The following VIPR2 variants were observed in gnomAD, a reference collection of about 807,000 sequenced individuals.
The protein encoded by VIPR2 is vasoactive intestinal polypeptide receptor 2.
In VIPR2, 48 loss-of-function variants were observed where a neutral mutation model predicts 58.0. The ratio of observed to expected loss-of-function variants is 0.83; its 90% CI spans 0.66 to 1.05. The LOEUF is 1.05. Ranked by LOEUF, VIPR2 falls within the 50% of genes least tolerant of loss-of-function variation. The pLI, the probability that VIPR2 is intolerant of heterozygous loss-of-function variation, is 0.00. For missense variants in VIPR2, 534 were observed against 558.0 expected (o/e 0.96, Z 0.43); for synonymous variants, 243 against 235.2 (o/e 1.03, Z -0.30).
intron 4 of VIPR2, chr7:159,059,201 A>G: frequency 2.1e-6 from 1 of 470,488 alleles, no homozygotes; most frequent in Middle Eastern, 3.3e-4. Context: ...AGGGAGTTCT[A>G]TGACAACAGG....
chr7:159,130,965 C>T (rs531075967), intron 2 of VIPR2, among the ~76,000 whole-genome samples: 10 of 152,206 alleles, frequency 6.6e-5, no homozygotes, highest in Non-Finnish European at 1.2e-4. Flanking sequence ...GACATCTGAG[C>T]GTGCTCTGGA....
At chr7:159,101,728 G>A (rs1858262041) in intron 4 of VIPR2, among the ~76,000 whole-genome samples, 1 of 145,678 alleles carries the variant, frequency 6.9e-6, no homozygotes, top group Admixed American at 6.8e-5. Flanking sequence ...CTGTGGTAGT[G>A]AATGAGTCTC....
chr7:159,126,573 T>C (rs1041793139), intron 2 of VIPR2, among the ~76,000 whole-genome samples: 9 of 152,164 alleles, frequency 5.9e-5, no homozygotes, highest in African/African-American at 2.2e-4. Context: ...GAAATGAGAA[T>C]GTGCTCTTCT....
intron 7 of VIPR2, 136 bp from the exon 8 acceptor site, chr7:159,036,148 T>G: frequency 5.5e-6 from 6 of 1,093,860 alleles, no homozygotes; most frequent in Non-Finnish European, 7.5e-6. Flanking sequence ...TTAAAGTCTT[T>G]GTAAATATTT....
chr7:159,050,004 G>C (rs1854891200), intron 5 of VIPR2, among the ~76,000 whole-genome samples: 1 of 152,190 alleles, frequency 6.6e-6, no homozygotes, highest in African/African-American at 2.4e-5. Context: ...TACTAGGTAT[G>C]CCAGAAACAG....
At chr7:159,086,395 T>TA (rs1354265950) in intron 4 of VIPR2, among the ~76,000 whole-genome samples, 1 of 152,198 alleles carries the variant, frequency 6.6e-6, no homozygotes, top group Non-Finnish European at 1.5e-5. Context: ...CGGGGGACTG[T>TA]AACATCCCGG....
At chr7:159,100,293 T>A (rs928384133) in intron 4 of VIPR2, among the ~76,000 whole-genome samples, 6 of 152,206 alleles carry the variant, frequency 3.9e-5, no homozygotes, top group African/African-American at 1.4e-4. Context: ...TGCAGTGAGT[T>A]GTTTTCAAGC....
intron 2 of VIPR2, among the ~76,000 whole-genome samples, chr7:159,126,745 C>T (rs949610354): frequency 6.6e-6 from 1 of 152,216 alleles, no homozygotes; most frequent in Non-Finnish European, 1.5e-5. Flanking sequence ...AGACACCGTC[C>T]AACCATCAGG....
chr7:159,052,200 A>C (rs1352405339), intron 5 of VIPR2, among the ~76,000 whole-genome samples: 1 of 152,200 alleles, frequency 6.6e-6, no homozygotes, highest in Non-Finnish European at 1.5e-5. Flanking sequence ...AAGACTCATC[A>C]AGATAAAAAG....
chr7:159,058,726 C>A (rs758599586), intron 4 of VIPR2, 148 bp from the exon 5 acceptor site: 3 of 620,874 alleles, frequency 4.8e-6, no homozygotes, highest in Non-Finnish European at 8.3e-6. Flanking sequence ...TATAATTCCA[C>A]CTCCATTTTG....
In VIPR2 at chr7:159,128,508, C is replaced by T. The variant is rs576886268; in HGVS notation, c.151+13938G>A. 2.3e-4 allele frequency among the ~76,000 whole-genome samples: 35 copies of T among 152,270 alleles called. No homozygotes were observed. The highest frequency in any genetic ancestry group is 7.7e-4 in the African/African-American group (32 of 41,558). The stretch of plus-strand genomic sequence containing the variant: ...CACCTGTGTGCTGGGACCCCTTCAC[C>T]CTCCCTCCAGCAGCTTTGGCAGTCC... On this transcript the variant is annotated intron_variant, in intron 2 of 12. Coordinates refer to ENST00000262178, the MANE Select transcript of VIPR2 (RefSeq NM_003382.5). The surrounding 1 kb of genome is among the most constrained non-coding windows in gnomAD (Gnocchi z 4.1).
In VIPR2 at chr7:159,058,586, G is replaced by A. The variant is rs1855459659; in HGVS notation, c.358-8C>T. 1 of 1,588,762 alleles carries A rather than the reference G, an allele frequency of 6.3e-7. No individual in the cohort carries two copies. On this transcript the variant is annotated splice_region_variant and splice_polypyrimidine_tract_variant and intron_variant, in intron 4 of 12. Coordinates refer to ENST00000262178, the MANE Select transcript of VIPR2 (RefSeq NM_003382.5). ...CAGAATATAAAACGTGATCTACAAA[G>A]AAAGAAAACAGATCTGTAAGCTGAG... is the stretch of plus-strand genomic sequence containing the variant.
rs1012514493 is a variant in VIPR2 at position 159,062,585 on chromosome 7, C to T, written c.358-4007G>A. On this transcript the variant is annotated intron_variant, in intron 4 of 12. Coordinates refer to ENST00000262178, the MANE Select transcript of VIPR2 (RefSeq NM_003382.5). Reference sequence around the variant, plus strand: ...ATTCCTCCCGGTGGGTTTGTGGTCTCGCTGGTCTTAGGAGTGAAGCCGCAG... The same window carrying T: ...ATTCCTCCCGGTGGGTTTGTGGTCTTGCTGGTCTTAGGAGTGAAGCCGCAG... 3.9e-5 allele frequency among the ~76,000 whole-genome samples: 6 copies of T among 152,174 alleles called. No homozygotes were observed. In the South Asian group the frequency reaches 8.3e-4, roughly 21 times the overall value.
Position 159,064,309 on chromosome 7 carries a change from G to A in VIPR2, c.358-5731C>T, listed in dbSNP as rs1018594900. On this transcript the variant is annotated intron_variant, in intron 4 of 12. Transcript: ENST00000262178. The stretch of plus-strand genomic sequence containing the variant: ...TGAGGCGACCCTGCACCTGGGCCCC[G>A]TGGGCTCGAGCGGGTCCACAGAGGA... Among the ~76,000 whole-genome samples, 5 of 152,076 alleles carry A rather than the reference G, an allele frequency of 3.3e-5. No homozygotes were observed. The South Asian group carries it at 1.0e-3, about 32-fold the overall frequency.
At chr7:159,060,615 C>T (rs555694394) in intron 4 of VIPR2, among the ~76,000 whole-genome samples, 1 of 152,056 alleles carries the variant, frequency 6.6e-6, no homozygotes, top group East Asian at 1.9e-4. Context: ...CCTCATCCAA[C>T]ACATACTCCC....
Position 159,058,575 on chromosome 7 carries a change from T to G in VIPR2, c.361A>C (p.Thr121Pro), listed in dbSNP as rs770029171. 1 of 1,606,054 alleles carries G rather than the reference T, an allele frequency of 6.2e-7. No individual in the cohort carries two copies. Among genetic ancestry groups the G allele is most frequent in the Non-Finnish European group, 8.5e-7 (1 of 1,173,134 alleles). ...YSDPEDESKI[T>P]FYILVKAIYT... is the part of the protein sequence containing the mutation. ...ATGGCCTTCACCAGAATATAAAACGTGATCTACAAAGAAAGAAAACAGATC... is the reference window on the plus strand; with the variant it reads ...ATGGCCTTCACCAGAATATAAAACGGGATCTACAAAGAAAGAAAACAGATC... The change falls in exon 5 of 13, where the codon ACG (threonine) becomes CCG (proline). Residue 121 changes from threonine (T) to proline (P), a missense_variant. Thr to Pro is a conservative substitution (Grantham distance 38). This residue lies in a region of VIPR2 where 224 missense variants were observed against 255.7 expected (regional missense o/e 0.88). Transcript: ENST00000262178.
chr7:159,055,143 A>G (rs1336335040), intron 5 of VIPR2, among the ~76,000 whole-genome samples: 2 of 152,236 alleles, frequency 1.3e-5, no homozygotes, highest in African/African-American at 4.8e-5. Flanking sequence ...AGAAAATAAA[A>G]CATGGTAACT....
intron 5 of VIPR2, among the ~76,000 whole-genome samples, chr7:159,056,824 T>C (rs1348143540): frequency 6.6e-6 from 1 of 152,200 alleles, no homozygotes; most frequent in Non-Finnish European, 1.5e-5. Flanking sequence ...TCTCAGGAAG[T>C]GGCACTGGAC....
chr7:159,109,144 C>G (rs1448191327), intron 3 of VIPR2, among the ~76,000 whole-genome samples: 2 of 152,208 alleles, frequency 1.3e-5, no homozygotes, highest in African/African-American at 4.8e-5. Flanking sequence ...CAGATGTTTC[C>G]TATGTTTTCT....
Sources: allele counts gnomAD v4.1 joint callset (sites outside exome capture counted in the v4.1 genomes callset), GRCh38; gene constraint gnomAD v4.1.1; regional missense constraint gnomAD v4.1.1; non-coding constraint Gnocchi (gnomAD v3.1); transcripts MANE v1.5; gene names NCBI Gene and HGNC (gene_info 2026-07-23, HGNC 2026-07-21).